ZNF837: variants seen among roughly 807,000 people sequenced by gnomAD.
ZNF837 encodes the protein zinc finger protein 837.
For missense variants in ZNF837, 955 were observed against 801.7 expected, an observed-to-expected ratio of 1.19 and a Z score of -2.31; for synonymous variants, 475 against 365.2, an observed-to-expected ratio of 1.30 and a Z score of -3.43.
intron 1 of ZNF837, among the ~76,000 whole-genome samples, chr19:58,370,653 T>C (rs557999120): frequency 6.6e-6 from 1 of 152,108 alleles, no homozygotes; most frequent in Non-Finnish European, 1.5e-5. Flanking sequence ...CCCAGCACTT[T>C]GGGAGGCCGA....
Position 58,368,303 on chromosome 19 carries a change from A to G in ZNF837, c.1030T>C (p.Cys344Arg). The G allele has an allele frequency of 6.7e-7, 1 of 1,485,130 alleles. No homozygotes were observed. Among genetic ancestry groups the G allele is most frequent in the South Asian group, 1.3e-5 (1 of 74,870 alleles). 92.0% of individuals were successfully genotyped at this position (1,485,130 alleles called of 1,614,324 possible). The part of the protein sequence containing the change: ...RRAFRLGCPP[C>R]GDYSERSPRR... ...GGACTCCGCTCGCTGTAGTCCCCGCAGGGCGGGCACCCCAGCCGGAAGGCG... is the reference window on the plus strand; with the variant it reads ...GGACTCCGCTCGCTGTAGTCCCCGCGGGGCGGGCACCCCAGCCGGAAGGCG... The change falls in exon 3 of 3, where the codon TGC becomes CGC. Residue 344 changes from cysteine to arginine, a missense_variant. Physicochemically the swap from Cys to Arg is radical, Grantham distance 180 (BLOSUM62 -3). Transcript: ENST00000597582.
rs1250327763 is a variant in ZNF837 at position 58,368,268 on chromosome 19, C to T, written c.1065G>A (p.Gly355=). 2.7e-6 allele frequency: 4 copies of T among 1,483,724 alleles called. No individual in the cohort carries two copies. The highest frequency in any genetic ancestry group is 4.7e-5 in the Admixed American group (2 of 42,444). The allele number at this position is 1,483,724 out of a possible 1,614,324, so 91.9% of individuals were successfully genotyped here. A position where few individuals can be genotyped will look rare whatever the true frequency, so the allele number is the denominator to read the frequency against. The change falls in exon 3 of 3, where the codon GGG becomes GGA. Residue 355 remains glycine (G), a synonymous_variant. Coordinates refer to ENST00000597582, the MANE Select transcript of ZNF837 (RefSeq NM_138466.2). ...CGTACGGCTTCTCCCCGGCTCCCGACCCCCGTCGGGGACTCCGCTCGCTGT... is the reference window on the plus strand; with the variant it reads ...CGTACGGCTTCTCCCCGGCTCCCGATCCCCGTCGGGGACTCCGCTCGCTGT... ...GDYSERSPRR[G]SGAGEKPYEC... is the part of the protein sequence containing the mutation.
At position 58,368,073 on chromosome 19, in the gene ZNF837, C is replaced by T. The variant is rs771372409; in HGVS notation, c.1260G>A (p.Ala420=). 18 of 1,546,660 alleles carry T rather than the reference C, an allele frequency of 1.2e-5. No individual in the cohort carries two copies. In the Admixed American group the frequency reaches 3.3e-4, roughly 29 times the overall value. The change falls in exon 3 of 3, where the codon GCG becomes GCA. Residue 420 remains alanine, a synonymous_variant. Transcript: ENST00000597582. ...TGAAGGCCTTTTCGCACAGTGGGCA[C>T]GCGTAGGGCTTGGCGCTGCTGTGAG... ...QRTHSSAKPY[A]CPLCEKAFKG...
chr19:58,380,025 AAC>A (rs201254002), intron 1 of ZNF837, among the ~76,000 whole-genome samples: 1 of 129,426 alleles, frequency 7.7e-6, no homozygotes. Flanking sequence ...CAACAACAAA[AAC>A]AGAATGTGCA....
At chr19:58,374,572 G>A (rs1239676004) in intron 1 of ZNF837, among the ~76,000 whole-genome samples, 1 of 151,898 alleles carries the variant, frequency 6.6e-6, no homozygotes, top group Non-Finnish European at 1.5e-5. Context: ...AAGTTTTGGG[G>A]TAATTAAAAT....
At position 58,368,460 on chromosome 19, in the gene ZNF837, G is replaced by A; in HGVS notation, c.873C>T (p.Arg291=). The A allele has an allele frequency of 6.4e-7, 1 of 1,570,410 alleles. No homozygotes were observed. The highest frequency in any genetic ancestry group is 1.2e-5 in the South Asian group (1 of 86,050). The change falls in exon 3 of 3, where the codon CGC becomes CGT. Residue 291 remains arginine, a synonymous_variant. Coordinates refer to ENST00000597582, the MANE Select transcript of ZNF837 (RefSeq NM_138466.2). ...TRTSSLLQHQ[R]IHTGERPYEC... is the part of the protein sequence containing the mutation. Reference sequence around the variant, plus strand: ...CGTAGGGCCGCTCGCCCGTGTGGATGCGCTGGTGCTGCAGCAGGCTGGAGG... The same window carrying A: ...CGTAGGGCCGCTCGCCCGTGTGGATACGCTGGTGCTGCAGCAGGCTGGAGG...
In ZNF837 at chr19:58,367,656, G is replaced by T. The variant is rs192886761; in HGVS notation, c.*81C>A. The T allele has an allele frequency of 1.9e-5, 27 of 1,420,182 alleles. No individual in the cohort carries two copies. In the African/African-American group the frequency reaches 3.5e-4, roughly 19 times the overall value. The allele number at this position is 1,420,182 out of a possible 1,614,324, so 88.0% of individuals were successfully genotyped here. A position where few individuals can be genotyped will look rare whatever the true frequency, so the allele number is the denominator to read the frequency against. ...GTGAAGTTTAATCAAAGTTACAAAC[G>T]TTGGTGGGTTTTCCGGGACAAAGGC... On this transcript the variant is annotated 3_prime_UTR_variant, in exon 3 of 3. Transcript: ENST00000597582.
At chr19:58,380,870 G>A (rs1052907862) in intron 1 of ZNF837, 71 bp downstream of exon 1, 7 of 152,310 alleles carry the variant, frequency 4.6e-5, no homozygotes, top group Non-Finnish European at 5.9e-5. Context: ...CTGGGGTGGT[G>A]GCCGCGCTAT....
chr19:58,377,332 C>T (rs2052257307), intron 1 of ZNF837, among the ~76,000 whole-genome samples: 1 of 151,768 alleles, frequency 6.6e-6, no homozygotes, highest in Non-Finnish European at 1.5e-5. Flanking sequence ...TGGTGAAATC[C>T]CGTCTCTACT....
chr19:58,379,931 G>A (rs1282721460), intron 1 of ZNF837, among the ~76,000 whole-genome samples: 1 of 152,128 alleles, frequency 6.6e-6, no homozygotes, highest in Non-Finnish European at 1.5e-5. Flanking sequence ...GGAGGCGGAG[G>A]TTGCAGTGAG....
At chr19:58,371,496 G>A (rs1011980560) in intron 1 of ZNF837, among the ~76,000 whole-genome samples, 8 of 152,164 alleles carry the variant, frequency 5.3e-5, no homozygotes, top group Non-Finnish European at 1.2e-4. Context: ...CAATCCTCCT[G>A]TCCCCTCCCT....
At chr19:58,370,920 G>GAAA (rs1450564943) in intron 1 of ZNF837, among the ~76,000 whole-genome samples, 2 of 111,570 alleles carry the variant, frequency 1.8e-5, no homozygotes, top group African/African-American at 6.9e-5. Context: ...AAAAAGAAAA[G>GAAA]AGAGAGAGAG....
In ZNF837 at chr19:58,371,642, G is replaced by A. The variant is rs546752198; in HGVS notation, c.-139-1714C>T. Among the ~76,000 whole-genome samples the A allele has an allele frequency of 3.9e-5, 6 of 152,242 alleles. No individual in the cohort carries two copies. The South Asian group carries it at 6.2e-4, about 16-fold the overall frequency. On this transcript the variant is annotated intron_variant, in intron 1 of 2. Transcript: ENST00000597582. ...ACCCTCGTAAATCACTGCTTCACTCGGCACAGGAGCTCAGATTCTTCTCCT... is the reference window on the plus strand; with the variant it reads ...ACCCTCGTAAATCACTGCTTCACTCAGCACAGGAGCTCAGATTCTTCTCCT...
chr19:58,370,189 G>A (rs766236144), intron 1 of ZNF837, among the ~76,000 whole-genome samples: 10 of 152,178 alleles, frequency 6.6e-5, no homozygotes, highest in Non-Finnish European at 1.5e-4. Flanking sequence ...AGTAGTGTGG[G>A]TTCCTTCCAG....
In ZNF837 at chr19:58,369,130, C is replaced by T; in HGVS notation, c.203G>A (p.Cys68Tyr). The T allele has an allele frequency of 4.1e-6, 6 of 1,467,168 alleles. No individual in the cohort carries two copies. Among genetic ancestry groups the T allele is most frequent in the Admixed American group, 2.8e-5 (1 of 36,326 alleles). 90.9% of individuals were successfully genotyped at this position (1,467,168 alleles called of 1,614,324 possible). The change falls in exon 3 of 3, where the codon TGC becomes TAC. Residue 68 changes from cysteine (C) to tyrosine (Y), a missense_variant. Transcript: ENST00000597582. Reference sequence around the variant, plus strand: ...CGGGCCGGGGCTCACCCCGAGGCTGCAGCCCCGGGAGCCCCCGCCTGGGGG... The same window carrying T: ...CGGGCCGGGGCTCACCCCGAGGCTGTAGCCCCGGGAGCCCCCGCCTGGGGG... ...TTPPGGGSRG[C>Y]SLGVSPGPGT...
intron 1 of ZNF837, among the ~76,000 whole-genome samples, chr19:58,378,820 C>T (rs771145719): frequency 3.9e-4 from 59 of 152,036 alleles, no homozygotes; most frequent in South Asian, 4.1e-4. Context: ...AGTTCTGACA[C>T]GGAGAAGAGT....
chr19:58,378,417 C>T (rs1419957114), intron 1 of ZNF837, among the ~76,000 whole-genome samples: 1 of 152,232 alleles, frequency 6.6e-6, no homozygotes, highest in Non-Finnish European at 1.5e-5. Context: ...CTGCTGGCTT[C>T]ATGTCACAGT....
chr19:58,375,360 T>C (rs2122130499), intron 1 of ZNF837, among the ~76,000 whole-genome samples: 1 of 145,846 alleles, frequency 6.9e-6, no homozygotes, highest in South Asian at 2.1e-4. Context: ...AATGTAAATA[T>C]ATATTAGAGA....
At chr19:58,377,479 C>A (rs78911403) in intron 1 of ZNF837, among the ~76,000 whole-genome samples, 30 of 148,268 alleles carry the variant, frequency 2.0e-4, no homozygotes, top group East Asian at 9.9e-4. Context: ...GACTCCATCT[C>A]AAAAAAAAAA....
Sources: allele counts gnomAD v4.1 joint callset (sites outside exome capture counted in the v4.1 genomes callset), GRCh38; gene constraint gnomAD v4.1.1; transcripts MANE v1.5; gene names NCBI Gene and HGNC (gene_info 2026-07-23, HGNC 2026-07-21).